SLC12A2: variants seen among roughly 807,000 people sequenced by gnomAD.
SLC12A2 encodes the protein Na-K-2Cl cotransporter 1.
SLC12A2 carries 67 observed loss-of-function variants against 136.3 expected under a neutral mutation model. That is an observed-to-expected ratio of 0.49 (90% CI 0.40 to 0.60). The LOEUF (loss-of-function observed/expected upper bound fraction) is 0.60. SLC12A2 is among the 20% of genes least tolerant of loss of function. The pLI is 0.00. For missense variants in SLC12A2, 1,322 were observed against 1,534.7 expected (o/e 0.86, Z 2.32); for synonymous variants, 619 against 562.9 (o/e 1.10, Z -1.41).
rs150139480 is a variant in SLC12A2 at position 128,163,220 on chromosome 5, G to A, written c.2616+1420G>A. ...GTGCATCTCACAGGAACTTTTGCACGTGTGAAGAAGGCTATATGAAACTTC... is the reference window on the plus strand; with the variant it reads ...GTGCATCTCACAGGAACTTTTGCACATGTGAAGAAGGCTATATGAAACTTC... On this transcript the variant is annotated intron_variant, in intron 17 of 26. Coordinates refer to ENST00000262461, the MANE Select transcript of SLC12A2 (RefSeq NM_001046.3). Among the ~76,000 whole-genome samples, 283 of 152,194 alleles carry A rather than the reference G, an allele frequency of 1.9e-3. 8 individuals are homozygous for A. Among genetic ancestry groups the A allele is most frequent in the Admixed American group, 0.017 (254 of 15,270 alleles).
intron 1 of SLC12A2, chr5:128,110,331 TG>T: frequency 1.1e-6 from 1 of 908,144 alleles, no homozygotes; most frequent in Non-Finnish European, 1.9e-6. Flanking sequence ...AACCATGGGC[TG>T]GGTAAGTCTG....
chr5:128,124,761 T>G (rs1197101391), intron 4 of SLC12A2, among the ~76,000 whole-genome samples: 1 of 150,712 alleles, frequency 6.6e-6, no homozygotes, highest in African/African-American at 2.4e-5. Flanking sequence ...TCCCTTCTCT[T>G]CTCCCCTAAG....
intron 19 of SLC12A2, 118 bp from the exon 20 acceptor site, chr5:128,174,423 A>G (rs1561703829): frequency 6.2e-6 from 4 of 646,098 alleles, no homozygotes; most frequent in Non-Finnish European, 1.0e-5. Context: ...TTGTTTAAAT[A>G]AGAAGCCATT....
At chr5:128,186,301 G>T (rs1475370333) in intron 26 of SLC12A2, among the ~76,000 whole-genome samples, 195 bp from the exon 27 acceptor site, 2 of 152,112 alleles carry the variant, frequency 1.3e-5, no homozygotes, top group Non-Finnish European at 2.9e-5. Flanking sequence ...TCTGAGAAAT[G>T]CGTCTCCATC....
At chr5:128,163,059 A>C (rs1228681671) in intron 17 of SLC12A2, among the ~76,000 whole-genome samples, 1 of 152,146 alleles carries the variant, frequency 6.6e-6, no homozygotes, top group Admixed American at 6.6e-5. Flanking sequence ...GACACCCCTG[A>C]CATAGAGCAA....
At chr5:128,101,577 C>A (rs1760742087) in intron 1 of SLC12A2, among the ~76,000 whole-genome samples, 1 of 152,098 alleles carries the variant, frequency 6.6e-6, no homozygotes, top group Non-Finnish European at 1.5e-5. Flanking sequence ...TGTATGTTAA[C>A]AGTGCCCTAA....
rs752606329 is a variant in SLC12A2 at position 128,167,834 on chromosome 5, T to C, written c.2690T>C (p.Met897Thr). 1 of 1,604,816 alleles carries C rather than the reference T, an allele frequency of 6.2e-7. No individual in the cohort carries two copies. Among genetic ancestry groups the C allele is most frequent in the Non-Finnish European group, 8.5e-7 (1 of 1,174,264 alleles). Residue 897 changes from methionine to threonine, a missense_variant, in exon 18 of 27, where the codon ATG (methionine) becomes ACG (threonine). Met to Thr is a moderately conservative substitution (Grantham distance 81, BLOSUM62 -1). Around this residue, in one of 8 missense-constraint regions of SLC12A2, gnomAD observed 226 missense variants for 210.4 expected, o/e 1.07. Coordinates refer to ENST00000262461, the MANE Select transcript of SLC12A2 (RefSeq NM_001046.3). ...GFKKDWLQADMRDVDMYINLF... is the reference protein window; with the variant it reads ...GFKKDWLQADTRDVDMYINLF... ...AAGAAAGATTGGTTGCAAGCAGATA[T>C]GAGGGATGTGGATATGTATATAAAC...
Position 128,164,842 on chromosome 5 carries a change from G to GTT in SLC12A2, c.2617-2916_2617-2915dup, listed in dbSNP as rs1322595525. ...AGTATCTAGCTTCCACAACAAAACT[G>GTT]TTTTGTTTTTTTTTTTTTTTTTGGA... is the stretch of plus-strand genomic sequence containing the variant. On this transcript the variant is annotated intron_variant, in intron 17 of 26. Coordinates refer to ENST00000262461, the MANE Select transcript of SLC12A2 (RefSeq NM_001046.3). Among the ~76,000 whole-genome samples the GTT allele has an allele frequency of 2.1e-3, 289 of 138,228 alleles. 2 individuals are homozygous for GTT. Among genetic ancestry groups the GTT allele is most frequent in the African/African-American group, 7.7e-3 (280 of 36,284 alleles). The allele number at this position is 138,228 out of a possible 152,430, so 90.7% of individuals were successfully genotyped here.
chr5:128,134,352 T>C, intron 6 of SLC12A2, 77 bp downstream of exon 6: 1 of 771,464 alleles, frequency 1.3e-6, no homozygotes, highest in Non-Finnish European at 2.3e-6. Flanking sequence ...CACTCTGAAG[T>C]ATGGTAATAT....
intron 26 of SLC12A2, among the ~76,000 whole-genome samples, chr5:128,185,983 G>A (rs1326736182): frequency 6.6e-6 from 1 of 152,076 alleles, no homozygotes; most frequent in Non-Finnish European, 1.5e-5. Flanking sequence ...GACTGAGGTG[G>A]GAGGATTGCT....
chr5:128,171,321 G>A (rs989228410), intron 18 of SLC12A2, among the ~76,000 whole-genome samples: 1 of 151,962 alleles, frequency 6.6e-6, no homozygotes, highest in Admixed American at 6.6e-5. Context: ...GGTTTTAATG[G>A]TATAAGCCCA....
In SLC12A2 at chr5:128,084,452, G is replaced by T. The variant is rs2126629900; in HGVS notation, c.498G>T (p.Gly166=). 6.2e-7 allele frequency: 1 copy of T among 1,612,940 alleles called. No individual in the cohort carries two copies. Among genetic ancestry groups the T allele is most frequent in the Non-Finnish European group, 8.5e-7 (1 of 1,179,674 alleles). ...LSDAAGVGVD[G]PNVSFQNGGD... ...ATGCTGCCGGGGTCGGAGTCGACGG[G>T]CCCAACGTGAGCTTCCAGAACGGCG... The change falls in exon 1 of 27, where the codon GGG becomes GGT. Residue 166 remains glycine, a synonymous_variant. Transcript: ENST00000262461. The surrounding 1 kb of genome is among the most constrained non-coding windows in gnomAD (Gnocchi z 5.6).
chr5:128,107,280 C>T (rs771718286), intron 1 of SLC12A2, among the ~76,000 whole-genome samples: 1 of 151,822 alleles, frequency 6.6e-6, no homozygotes, highest in Non-Finnish European at 1.5e-5. Context: ...TTTCTTTTAC[C>T]GTTTATGCAC....
chr5:128,178,745 G>A, intron 22 of SLC12A2, 56 bp downstream of exon 22: 1 of 1,361,286 alleles, frequency 7.3e-7, no homozygotes, highest in South Asian at 1.6e-5. Flanking sequence ...TGTGAGAATA[G>A]TAAGAAATGA....
chr5:128,118,534 A>G (rs1461008826), intron 4 of SLC12A2, among the ~76,000 whole-genome samples: 1 of 152,154 alleles, frequency 6.6e-6, no homozygotes, highest in East Asian at 1.9e-4. Context: ...ATGCAAAGGC[A>G]TAAGAATGAT....
intron 1 of SLC12A2, among the ~76,000 whole-genome samples, chr5:128,100,604 CA>C (rs552652293): frequency 5.3e-4 from 81 of 152,138 alleles, no homozygotes; most frequent in Admixed American, 1.4e-3. Flanking sequence ...CATGAAAAAT[CA>C]AGTGTATCTT....
intron 15 of SLC12A2, 28 bp downstream of exon 15, chr5:128,152,833 G>C: frequency 7.4e-7 from 1 of 1,343,054 alleles, no homozygotes; most frequent in South Asian, 1.2e-5. Flanking sequence ...AAACATGGAA[G>C]CATTTTCTCT....
chr5:128,183,074 T>C (rs879935418), intron 24 of SLC12A2, 133 bp downstream of exon 24: 3 of 562,782 alleles, frequency 5.3e-6, no homozygotes, highest in Admixed American at 3.1e-5. Flanking sequence ...AAATCTAGCA[T>C]TGATAGTTGG....
Position 128,151,238 on chromosome 5 carries a change from T to A in SLC12A2, c.2108-3T>A, listed in dbSNP as rs368356853. Reference sequence around the variant, plus strand: ...GTGACTTTTATTTATTTGTTATTGTTAGGATGGCGTCCTGCATTCAAATAC... The same window carrying A: ...GTGACTTTTATTTATTTGTTATTGTAAGGATGGCGTCCTGCATTCAAATAC... On this transcript the variant is annotated splice_region_variant and splice_polypyrimidine_tract_variant and intron_variant, in intron 13 of 26. Coordinates refer to ENST00000262461, the MANE Select transcript of SLC12A2 (RefSeq NM_001046.3). 6.2e-7 allele frequency: 1 copy of A among 1,601,388 alleles called. No individual in the cohort carries two copies. The highest frequency in any genetic ancestry group is 8.5e-7 in the Non-Finnish European group (1 of 1,174,626).
Sources: gnomAD v4.1 joint callset for allele counts (sites outside exome capture counted in the v4.1 genomes callset) on GRCh38, gnomAD v4.1.1 for gene constraint, gnomAD v4.1.1 regional missense constraint, Gnocchi (gnomAD v3.1) non-coding constraint, MANE v1.5 for transcripts, NCBI Gene and HGNC (gene_info 2026-07-23, HGNC 2026-07-21) for gene names.